COL4A1: variants seen among roughly 807,000 people sequenced by gnomAD.
COL4A1 encodes collagen alpha-1(IV) chain.
A neutral mutation model predicts 216.6 loss-of-function variants in COL4A1; 40 were observed. The observed-to-expected ratio is 0.18, with a 90% CI of 0.14 to 0.24. COL4A1 has a LOEUF of 0.24. Among genes scored for constraint, COL4A1 ranks in the 10% least tolerant of loss-of-function variants. The pLI, the probability that COL4A1 is intolerant of heterozygous loss-of-function variation, is 1.00. For synonymous variants in COL4A1, 839 were observed against 810.7 expected (o/e 1.03, Z -0.59); for missense variants, 1,628 against 2,196.8 (o/e 0.74, Z 5.18).
At chr13:110,163,984 C>CTTTTTTTTTTTTTT (rs58236306) in intron 46 of COL4A1, among the ~76,000 whole-genome samples, 1 of 110,234 alleles carries the variant, frequency 9.1e-6, no homozygotes. Context: ...TTCTCTCTCT[C>CTTTTTTTTTTTTTT]TTTTTTTTTT....
intron 1 of COL4A1, among the ~76,000 whole-genome samples, chr13:110,287,223 T>A (rs1381613711): frequency 6.6e-6 from 1 of 152,206 alleles, no homozygotes; most frequent in Non-Finnish European, 1.5e-5. Flanking sequence ...TCATTTGCTC[T>A]TATTCAGCCA....
rs927849478 is a variant in COL4A1 at position 110,211,554 on chromosome 13, C to T, written c.468+93G>A. Reference sequence around the variant, plus strand: ...GTGTGTTCAGAAACAATCGATCAGCCAAAGTGGTTTAAAGAGAATGTGCTT... The same window carrying T: ...GTGTGTTCAGAAACAATCGATCAGCTAAAGTGGTTTAAAGAGAATGTGCTT... On this transcript the variant is annotated intron_variant, in intron 8 of 51. Transcript: ENST00000375820. This position sits in a 1 kb window ranked among gnomAD's most constrained non-coding sequence, Gnocchi z 4.3. The T allele has an allele frequency of 1.7e-5, 21 of 1,247,012 alleles. No individual in the cohort carries two copies. The highest frequency in any genetic ancestry group is 3.0e-5 in the African/African-American group (2 of 66,388). 77.2% of individuals were successfully genotyped at this position (1,247,012 alleles called of 1,614,324 possible).
chr13:110,162,504 A>T, intron 47 of COL4A1, 62 bp from the exon 48 acceptor site: 1 of 1,200,298 alleles, frequency 8.3e-7, no homozygotes, highest in South Asian at 1.2e-5. Flanking sequence ...AAGGCTTTCA[A>T]AATCATTTTC....
At chr13:110,159,715 A>AGAGGAATG (rs1422170138) in intron 49 of COL4A1, among the ~76,000 whole-genome samples, 1 of 152,240 alleles carries the variant, frequency 6.6e-6, no homozygotes, top group African/African-American at 2.4e-5. Context: ...GTCCAGTGAC[A>AGAGGAATG]GAGGAATGGA....
At chr13:110,295,254 CTTTCTTTTTTTTTTT>C (rs1185659525) in intron 1 of COL4A1, among the ~76,000 whole-genome samples, 1 of 134,766 alleles carries the variant, frequency 7.4e-6, no homozygotes, top group African/African-American at 2.9e-5. Flanking sequence ...GGTTTTCTTT[CTTTCTTTTTTTTTTT>C]TTTTTTTGAG....
chr13:110,283,971 A>G (rs957434842), intron 1 of COL4A1, among the ~76,000 whole-genome samples: 3 of 152,146 alleles, frequency 2.0e-5, no homozygotes, highest in East Asian at 3.9e-4. Flanking sequence ...GCCACAGGCC[A>G]GGAGCCTTCA....
At chr13:110,172,380 T>A (rs182373141) in intron 41 of COL4A1, among the ~76,000 whole-genome samples, 4 of 152,340 alleles carry the variant, frequency 2.6e-5, no homozygotes, top group African/African-American at 4.8e-5. Context: ...TGCATTCACA[T>A]AAGTATAACC....
At chr13:110,174,341 C>T (rs1412493097) in intron 39 of COL4A1, 105 bp downstream of exon 39, 1 of 1,250,500 alleles carries the variant, frequency 8.0e-7, no homozygotes, top group Non-Finnish European at 1.2e-6. Flanking sequence ...GACAGGACAG[C>T]TGGCCTCCCT....
At position 110,209,475 on chromosome 13, in the gene COL4A1, G is replaced by A. The variant is rs370296765; in HGVS notation, c.616-48C>T. 1.0e-4 allele frequency: 135 copies of A among 1,312,190 alleles called. 1 individual carries two copies. Among genetic ancestry groups the A allele is most frequent in the Non-Finnish European group, 6.9e-5 (64 of 927,506 alleles). The allele number at this position is 1,312,190 out of a possible 1,614,324, so 81.3% of individuals were successfully genotyped here. A position where few individuals can be genotyped will look rare whatever the true frequency, so the allele number is the denominator to read the frequency against. ...TAAATAGGATTCAGAACTCTAGGGA[G>A]CTTTAAGCCCTTCTTCAGGCTGACG... On this transcript the variant is annotated intron_variant, in intron 10 of 51. Coordinates refer to ENST00000375820, the MANE Select transcript of COL4A1 (RefSeq NM_001845.6).
At chr13:110,191,324 A>G (rs1362250493) in intron 24 of COL4A1, 1 of 211,554 alleles carries the variant, frequency 4.7e-6, no homozygotes, top group Non-Finnish European at 9.3e-6. Context: ...TCAGAAATGA[A>G]TAATTCTGAA....
intron 43 of COL4A1, among the ~76,000 whole-genome samples, chr13:110,168,587 A>G (rs1280786934): frequency 6.6e-6 from 1 of 152,202 alleles, no homozygotes; most frequent in Non-Finnish European, 1.5e-5. Context: ...AATCAGCACC[A>G]CGTATTGTTT....
chr13:110,227,411 CACACACACACACACAA>C (rs754861053), intron 2 of COL4A1, among the ~76,000 whole-genome samples: 184 of 146,184 alleles, frequency 1.3e-3, no homozygotes, highest in Admixed American at 2.0e-3. Flanking sequence ...CACACACACA[CACACACACACACACAA>C]ACACACACAA....
At chr13:110,161,408 T>A (rs1470161294) in intron 48 of COL4A1, 39 bp from the exon 49 acceptor site, 1 of 1,565,158 alleles carries the variant, frequency 6.4e-7, no homozygotes, top group Admixed American at 1.9e-5. Context: ...GTTTCCTTTA[T>A]AATTCACAAT....
intron 1 of COL4A1, among the ~76,000 whole-genome samples, chr13:110,262,142 T>C (rs1035929122): frequency 6.6e-6 from 1 of 152,108 alleles, no homozygotes; most frequent in African/African-American, 2.4e-5. Flanking sequence ...CCGTGTGCAG[T>C]AGGAGCTTCA....
intron 1 of COL4A1, among the ~76,000 whole-genome samples, chr13:110,304,290 C>G (rs959652087): frequency 6.6e-6 from 1 of 152,194 alleles, no homozygotes; most frequent in African/African-American, 2.4e-5. Flanking sequence ...ATGGTCCATA[C>G]TTATATGGGA....
At chr13:110,196,276 C>G (rs984332604) in intron 21 of COL4A1, among the ~76,000 whole-genome samples, 6 of 152,196 alleles carry the variant, frequency 3.9e-5, no homozygotes, top group Non-Finnish European at 7.4e-5. Context: ...ACAGCCACTG[C>G]TAGGGACCTG....
intron 49 of COL4A1, among the ~76,000 whole-genome samples, chr13:110,158,739 C>CTTTTTTTT (rs556230875): frequency 1.1e-4 from 12 of 105,846 alleles, no homozygotes; most frequent in African/African-American, 3.3e-4. Flanking sequence ...AAGAAATAAA[C>CTTTTTTTT]TTTTTTTTTT....
At chr13:110,279,598 T>G (rs1215673737) in intron 1 of COL4A1, among the ~76,000 whole-genome samples, 1 of 152,220 alleles carries the variant, frequency 6.6e-6, no homozygotes, top group Non-Finnish European at 1.5e-5. Context: ...AACCAAAATA[T>G]GCCAAATTCT....
chr13:110,281,811 T>C (rs1328102290), intron 1 of COL4A1, among the ~76,000 whole-genome samples: 1 of 152,244 alleles, frequency 6.6e-6, no homozygotes, highest in Non-Finnish European at 1.5e-5. Context: ...TTAGTAAACT[T>C]ACTCAACCCA....
Sources: allele counts gnomAD v4.1 joint callset (sites outside exome capture counted in the v4.1 genomes callset), GRCh38; gene constraint gnomAD v4.1.1; non-coding constraint Gnocchi (gnomAD v3.1); transcripts MANE v1.5; gene names NCBI Gene and HGNC (gene_info 2026-07-23, HGNC 2026-07-21).